Variants in GABRB3 observed in about 807,000 individuals in gnomAD.
GABRB3 encodes gamma-aminobutyric acid receptor subunit beta-3.
GABRB3 carries 14 observed loss-of-function variants against 52.1 expected under a neutral mutation model. The observed-to-expected ratio is 0.27, with a 90% CI of 0.18 to 0.42. The LOEUF is 0.42. Among genes scored for constraint, GABRB3 ranks in the 10% least tolerant of loss-of-function variants. The pLI is 1.00. For synonymous variants in GABRB3, 260 were observed against 232.3 expected, an observed-to-expected ratio of 1.12 and a Z score of -1.08; for missense variants, 307 against 609.1, an observed-to-expected ratio of 0.50 and a Z score of 5.22.
chr15:26,686,679 C>T (rs1888416629), intron 3 of GABRB3, among the ~76,000 whole-genome samples: 1 of 152,228 alleles, frequency 6.6e-6, no homozygotes, highest in Non-Finnish European at 1.5e-5. Context: ...GTTGCCTTGC[C>T]TTGCCCTGAC....
rs1209124720 is a variant in GABRB3, at chr15:26,547,895, A to T, written c.1320T>A (p.Pro440=). The stretch of plus-strand genomic sequence containing the variant: ...CTATGGCATTCACATCGGTTAGATC[A>T]GGTATTTTAATTTTGAGCTGTGAAG... ...RRSSQLKIKI[P]DLTDVNAIDR... Residue 440 remains proline (P), a synonymous_variant, in exon 9 of 9, where the codon CCT becomes CCA. Transcript: ENST00000311550. 1 of 1,614,212 alleles carries T rather than the reference A, an allele frequency of 6.2e-7. No individual in the cohort carries two copies.
At chr15:26,657,427 G>T (rs1321650965) in intron 3 of GABRB3, 2 of 152,290 alleles carry the variant, frequency 1.3e-5, no homozygotes, top group Admixed American at 1.3e-4. Flanking sequence ...ACTTGCCCTA[G>T]TTTAGTAACA....
chr15:26,736,809 A>G (rs1445184419), intron 3 of GABRB3, among the ~76,000 whole-genome samples: 1 of 152,276 alleles, frequency 6.6e-6, no homozygotes, highest in Non-Finnish European at 1.5e-5. Flanking sequence ...GAATGAACCC[A>G]TAACTCAATG....
chr15:26,583,435 G>A, intron 4 of GABRB3, 21 bp from the exon 5 acceptor site: 3 of 1,596,766 alleles, frequency 1.9e-6, no homozygotes, highest in Non-Finnish European at 2.6e-6. Flanking sequence ...CAGGGTGAGG[G>A]AAGATATTAA....
chr15:26,674,480 G>GA, intron 3 of GABRB3, among the ~76,000 whole-genome samples: 1 of 142,192 alleles, frequency 7.0e-6, no homozygotes, highest in Non-Finnish European at 1.5e-5. Context: ...AAGAAAGAAA[G>GA]AGAGAGAGAG....
At chr15:26,732,100 TGATGGATAGATGGATGGACAGACA>T (rs900508450) in intron 3 of GABRB3, among the ~76,000 whole-genome samples, 3 of 151,258 alleles carry the variant, frequency 2.0e-5, no homozygotes, top group African/African-American at 7.3e-5. Flanking sequence ...GATGGATAGA[TGATGGATAGATGGATGGACAGACA>T]GATGGACAGA....
intron 4 of GABRB3, among the ~76,000 whole-genome samples, chr15:26,608,102 C>CAAA (rs60028329): frequency 0.018 from 2,151 of 120,272 alleles, 69 homozygotes; most frequent in African/African-American, 0.058. Flanking sequence ...ATGGTACTGG[C>CAAA]AAAAAAAAAA....
chr15:26,662,542 G>C (rs1887583240), intron 3 of GABRB3, among the ~76,000 whole-genome samples: 1 of 152,274 alleles, frequency 6.6e-6, no homozygotes, highest in East Asian at 1.9e-4. Flanking sequence ...ATAATAATTA[G>C]GCCTCATTAC....
intron 6 of GABRB3, among the ~76,000 whole-genome samples, chr15:26,578,765 G>C (rs1011481990): frequency 1.3e-5 from 2 of 152,220 alleles, no homozygotes; most frequent in Non-Finnish European, 2.9e-5. Context: ...CCTCTGTTCT[G>C]AGCAGACCTT....
In GABRB3 at chr15:26,612,140, A is replaced by C. The variant is rs541755326; in HGVS notation, c.461+9174T>G. 21 of 152,350 alleles carry C rather than the reference A, an allele frequency of 1.4e-4. No homozygotes were observed. In the East Asian group the frequency reaches 4.0e-3, roughly 29 times the overall value. The allele number at this position is 152,350 out of a possible 1,614,324, so 9.4% of individuals were successfully genotyped here. A position where few individuals can be genotyped will look rare whatever the true frequency, so the allele number is the denominator to read the frequency against. On this transcript the variant is annotated intron_variant, in intron 4 of 8. Transcript: ENST00000311550. Reference sequence around the variant, plus strand: ...TAAGAAATAGTTACATTAAACTAAAAGTGCAGCTCATCCTTCATGGTGGGC... The same window carrying C: ...TAAGAAATAGTTACATTAAACTAAACGTGCAGCTCATCCTTCATGGTGGGC...
intron 3 of GABRB3, among the ~76,000 whole-genome samples, chr15:26,648,962 A>T (rs894097336): frequency 6.6e-6 from 1 of 151,974 alleles, no homozygotes; most frequent in African/African-American, 2.4e-5. Flanking sequence ...TGAGTCATGG[A>T]GGAGGTAAGC....
chr15:26,732,322 ATGGATGGATGGATG>A (rs1429609144), intron 3 of GABRB3, among the ~76,000 whole-genome samples: 4 of 148,928 alleles, frequency 2.7e-5, no homozygotes, highest in Non-Finnish European at 5.9e-5. Flanking sequence ...GGATGGATGG[ATGGATGGATGGATG>A]GACGGACAGA....
At chr15:26,616,069 C>T (rs1892245910) in intron 4 of GABRB3, 2 of 1,288,952 alleles carry the variant, frequency 1.6e-6, no homozygotes, top group East Asian at 5.5e-5. Context: ...ACCTATTTAC[C>T]AAAAAGATGC....
chr15:26,570,257 CA>C (rs1401680273), intron 6 of GABRB3, among the ~76,000 whole-genome samples: 1 of 152,238 alleles, frequency 6.6e-6, no homozygotes, highest in African/African-American at 2.4e-5. Flanking sequence ...TTTGGTTCCA[CA>C]AACAGCAAAC....
chr15:26,714,742 T>C (rs934379464), intron 3 of GABRB3, among the ~76,000 whole-genome samples: 13 of 152,136 alleles, frequency 8.5e-5, no homozygotes, highest in African/African-American at 2.9e-4. Flanking sequence ...GATTTAGAGG[T>C]CCCAAGATTT....
At chr15:26,613,763 A>T (rs1414506724) in intron 4 of GABRB3, 2 of 152,228 alleles carry the variant, frequency 1.3e-5, no homozygotes, top group Non-Finnish European at 2.9e-5. Context: ...CTGACAAGAT[A>T]ATGTCAGCTC....
chr15:26,640,385 C>T (rs1201876235), intron 3 of GABRB3, among the ~76,000 whole-genome samples: 8 of 152,034 alleles, frequency 5.3e-5, no homozygotes, highest in East Asian at 1.9e-4. Flanking sequence ...GGTGTGGTGG[C>T]GGGCATCTAT....
At chr15:26,727,555 C>G (rs533498906) in intron 3 of GABRB3, among the ~76,000 whole-genome samples, 36 of 152,294 alleles carry the variant, frequency 2.4e-4, no homozygotes, top group African/African-American at 8.7e-4. Flanking sequence ...GCTTACCTAG[C>G]ACTTTCCCTA....
chr15:26,629,170 A>C, intron 3 of GABRB3: 4 of 1,487,892 alleles, frequency 2.7e-6, no homozygotes, highest in Non-Finnish European at 2.7e-6. Flanking sequence ...GGGGAGAAGC[A>C]GCTCCCGGGA....
Sources: gnomAD v4.1 joint callset for allele counts (sites outside exome capture counted in the v4.1 genomes callset) on GRCh38, gnomAD v4.1.1 for gene constraint, MANE v1.5 for transcripts, NCBI Gene and HGNC (gene_info 2026-07-23, HGNC 2026-07-21) for gene names.